Variants in MAGEC1 observed in about 807,000 individuals in gnomAD.
MAGEC1 encodes the protein melanoma-associated antigen C1.
A neutral mutation model predicts 1.5 loss-of-function variants in MAGEC1; 3 were observed. The observed-to-expected ratio is 1.97, with a 90% CI of 0.90 to 5.10. The LOEUF (loss-of-function observed/expected upper bound fraction) is 5.10, where lower values mean the gene tolerates loss of function less well. Ranked by LOEUF, MAGEC1 falls within the 30% of genes most tolerant of loss-of-function variation. MAGEC1 has a pLI of 0.02. For missense variants in MAGEC1, 985 were observed against 803.1 expected (o/e 1.23, Z -2.74); for synonymous variants, 357 against 310.4 (o/e 1.15, Z -1.58).
rs1187667538 is a variant in MAGEC1, at chrX:141,906,261, G to C, written c.857G>C (p.Ser286Thr). 1 of 1,132,254 alleles carries C rather than the reference G, an allele frequency of 8.8e-7. No individual in the cohort carries two copies. Among genetic ancestry groups the C allele is most frequent in the Non-Finnish European group, 1.2e-6 (1 of 840,512 alleles). 93.3% of individuals were successfully genotyped at this position (1,132,254 alleles called of 1,213,427 possible). A position where few individuals can be genotyped will look rare whatever the true frequency, so the allele number is the denominator to read the frequency against. The change falls in exon 4 of 4, where the codon AGT becomes ACT. Residue 286 changes from serine (S) to threonine (T), a missense_variant. Physicochemically the swap from Ser to Thr is moderately conservative, Grantham distance 58. Coordinates refer to ENST00000285879, the MANE Select transcript of MAGEC1 (RefSeq NM_005462.5). ...TCCACTTTAGTGAGTCTTTTCCAGA[G>C]TTCCCCTGAGAGAACTCAGAGTACT... is the stretch of plus-strand genomic sequence containing the variant. ...FSSTLVSLFQ[S>T]SPERTQSTFE...
chrX:141,907,216 C>T lies in MAGEC1; in HGVS notation c.1812C>T (p.Asp604=). ...CTCAGAGCCCTCCTCAGGGGGAGGACTCCATGTCTCCTCTCTACTTTCCTC... is the reference window on the plus strand; with the variant it reads ...CTCAGAGCCCTCCTCAGGGGGAGGATTCCATGTCTCCTCTCTACTTTCCTC... ...YFPQSPPQGE[D]SMSPLYFPQS... The change falls in exon 4 of 4, where the codon GAC becomes GAT. Residue 604 remains aspartate, a synonymous_variant. Coordinates refer to ENST00000285879, the MANE Select transcript of MAGEC1 (RefSeq NM_005462.5). The T allele has an allele frequency of 1.7e-6, 2 of 1,210,145 alleles. No individual in the cohort carries two copies. The highest frequency in any genetic ancestry group is 2.3e-4 in the Middle Eastern group (1 of 4,344).
At position 141,905,597 on chromosome X, in the gene MAGEC1, G is replaced by A; in HGVS notation, c.193G>A (p.Asp65Asn). The A allele has an allele frequency of 8.3e-7, 1 of 1,205,804 alleles. No individual in the cohort carries two copies. The change falls in exon 4 of 4, where the codon GAT becomes AAT. Residue 65 changes from aspartate (D) to asparagine (N), a missense_variant. Coordinates refer to ENST00000285879, the MANE Select transcript of MAGEC1 (RefSeq NM_005462.5). ...TCGTTCTGAGGGGGAGGACTCCTCG[G>A]ATCCTCTCCAGAGACCTCCTGAGGG... ...QSRSEGEDSS[D>N]PLQRPPEGKD...
At position 141,908,406 on chromosome X, in the gene MAGEC1, TTC is replaced by T; in HGVS notation, c.3004_3005del (p.Leu1002TyrfsTer14). 1 of 1,211,272 alleles carries T rather than the reference TTC, an allele frequency of 8.3e-7. No individual in the cohort carries two copies. Among genetic ancestry groups the T allele is most frequent in the Non-Finnish European group, 1.1e-6 (1 of 895,365 alleles). ...GGCATGTCCCAGAACCGCCTCCTGA[TTC>T]TTATTCTGAGTATCATCTTCATAAA... On this transcript the variant is annotated frameshift_variant, in exon 4 of 4. Transcript: ENST00000285879. LOFTEE classifies it low-confidence loss of function (END_TRUNC).
rs1160457808 is a variant in MAGEC1, at chrX:141,908,361, G to A, written c.2957G>A (p.Gly986Glu). 8.3e-7 allele frequency: 1 copy of A among 1,211,312 alleles called. No homozygotes were observed. The highest frequency in any genetic ancestry group is 1.7e-5 in the African/African-American group (1 of 57,695). ...AACACATTAGACCTCACCTCTGAGG[G>A]GTGTCTGAGTGATGAGCAGGGCATG... ...FVNTLDLTSE[G>E]CLSDEQGMSQ... is the part of the protein sequence containing the mutation. Residue 986 changes from glycine (G) to glutamate (E), a missense_variant, in exon 4 of 4, where the codon GGG (glycine) becomes GAG (glutamate). Transcript: ENST00000285879.
In MAGEC1 at chrX:141,906,120, C is replaced by G. The variant is rs146816736; in HGVS notation, c.716C>G (p.Pro239Arg). The change falls in exon 4 of 4, where the codon CCC (proline) becomes CGC (arginine). Residue 239 changes from proline to arginine, a missense_variant. Physicochemically the swap from Pro to Arg is moderately radical, Grantham distance 103. Coordinates refer to ENST00000285879, the MANE Select transcript of MAGEC1 (RefSeq NM_005462.5). ...AQSPLQIPVS[P>R]SSSSTLLSLF... Reference sequence around the variant, plus strand: ...TCTCCTCTCCAGATTCCTGTGAGCCCCTCCTCCTCCTCCACTTTACTGAGT... The same window carrying G: ...TCTCCTCTCCAGATTCCTGTGAGCCGCTCCTCCTCCTCCACTTTACTGAGT... 2.8e-3 allele frequency: 2,122 copies of G among 752,448 alleles called. 38 individuals are homozygous for G. The highest frequency in any genetic ancestry group is 8.0e-3 in the South Asian group (292 of 36,571). 62.0% of individuals were successfully genotyped at this position (752,448 alleles called of 1,213,427 possible).
rs775152789 is a variant in MAGEC1 at position 141,905,543 on chromosome X, A to T, written c.139A>T (p.Thr47Ser). 2 of 1,209,007 alleles carry T rather than the reference A, an allele frequency of 1.7e-6. No individual in the cohort carries two copies. The change falls in exon 4 of 4, where the codon ACC (threonine) becomes TCC (serine). Residue 47 changes from threonine to serine, a missense_variant. By Grantham distance (58) the Thr-to-Ser change is moderately conservative (BLOSUM62 1). Coordinates refer to ENST00000285879, the MANE Select transcript of MAGEC1 (RefSeq NM_005462.5). ...IPQSSPESDD[T>S]LYPLQSPQSR... ...CCAGAGTTCTCCTGAGAGCGACGACACCCTGTATCCTCTCCAGAGTCCTCA... is the reference window on the plus strand; with the variant it reads ...CCAGAGTTCTCCTGAGAGCGACGACTCCCTGTATCCTCTCCAGAGTCCTCA...
At position 141,906,461 on chromosome X, in the gene MAGEC1, A is replaced by C. The variant is rs141749909; in HGVS notation, c.1057A>C (p.Ile353Leu). The stretch of plus-strand genomic sequence containing the variant: ...CTCCTTCTCCTCTACTTTATTGAGT[A>C]TTTTCCAGAGTTCTCCTGAGAGTGC... The part of the protein sequence containing the change: ...TSSFSSTLLS[I>L]FQSSPESAQS... Residue 353 changes from isoleucine (I) to leucine (L), a missense_variant, in exon 4 of 4, where the codon ATT becomes CTT. Coordinates refer to ENST00000285879, the MANE Select transcript of MAGEC1 (RefSeq NM_005462.5). 931 of 1,184,795 alleles carry C rather than the reference A, an allele frequency of 7.9e-4. 8 individuals carry two copies. Among genetic ancestry groups the C allele is most frequent in the Non-Finnish European group, 8.3e-4 (736 of 883,777 alleles).
rs1189117713 is a variant in MAGEC1 at position 141,907,440 on chromosome X, C to T, written c.2036C>T (p.Pro679Leu). The T allele has an allele frequency of 8.3e-7, 1 of 1,205,409 alleles. No homozygotes were observed. Among genetic ancestry groups the T allele is most frequent in the African/African-American group, 1.8e-5 (1 of 56,286 alleles). The change falls in exon 4 of 4, where the codon CCT (proline) becomes CTT (leucine). Residue 679 changes from proline (P) to leucine (L), a missense_variant. Pro to Leu is a moderately conservative substitution (Grantham distance 98). Transcript: ENST00000285879. Reference sequence around the variant, plus strand: ...CACTCCCAATCTCCTCTCCAGAGTCCTGAGAGTGCTCCTGAGGGGGAGGAT... The same window carrying T: ...CACTCCCAATCTCCTCTCCAGAGTCTTGAGAGTGCTCCTGAGGGGGAGGAT... ...GMHSQSPLQS[P>L]ESAPEGEDSL...
Position 141,907,948 on chromosome X carries a change from G to A in MAGEC1, c.2544G>A (p.Glu848=), listed in dbSNP as rs757078878. ...TSSSLSKSSP[E]SPLQSPVISF... is the part of the protein sequence containing the mutation. ...CGAGTCTTTCCAAGAGTTCCCCTGA[G>A]AGTCCTCTCCAGAGTCCTGTGATCT... The change falls in exon 4 of 4, where the codon GAG becomes GAA. Residue 848 remains glutamate, a synonymous_variant. Coordinates refer to ENST00000285879, the MANE Select transcript of MAGEC1 (RefSeq NM_005462.5). The A allele has an allele frequency of 8.3e-7, 1 of 1,208,756 alleles. No individual in the cohort carries two copies. The highest frequency in any genetic ancestry group is 1.1e-6 in the Non-Finnish European group (1 of 894,729).
Position 141,907,299 on chromosome X carries a change from G to T in MAGEC1, c.1895G>T (p.Cys632Phe), listed in dbSNP as rs772330722. The T allele has an allele frequency of 8.3e-7, 1 of 1,207,106 alleles. No individual in the cohort carries two copies. The highest frequency in any genetic ancestry group is 1.1e-6 in the Non-Finnish European group (1 of 893,653). The part of the protein sequence containing the change: ...QSSLQSPVSI[C>F]SSSTPSSLPQ... Reference sequence around the variant, plus strand: ...TCTCTCCAGAGCCCTGTGAGCATCTGCTCCTCCTCCACTCCATCCAGTCTT... The same window carrying T: ...TCTCTCCAGAGCCCTGTGAGCATCTTCTCCTCCTCCACTCCATCCAGTCTT... Residue 632 changes from cysteine to phenylalanine, a missense_variant, in exon 4 of 4, where the codon TGC becomes TTC. Coordinates refer to ENST00000285879, the MANE Select transcript of MAGEC1 (RefSeq NM_005462.5).
At position 141,907,366 on chromosome X, in the gene MAGEC1, G is replaced by A. The variant is rs1433551232; in HGVS notation, c.1962G>A (p.Gly654=). Residue 654 remains glycine, a synonymous_variant, in exon 4 of 4, where the codon GGG becomes GGA. Transcript: ENST00000285879. ...FPESSQSPPE[G]PVQSPLHSPQ... Reference sequence around the variant, plus strand: ...AGAGTTCTCAGAGTCCTCCTGAGGGGCCTGTCCAGTCTCCTCTCCATAGTC... The same window carrying A: ...AGAGTTCTCAGAGTCCTCCTGAGGGACCTGTCCAGTCTCCTCTCCATAGTC... The A allele has an allele frequency of 1.7e-6, 2 of 1,203,045 alleles. No individual in the cohort carries two copies. Among genetic ancestry groups the A allele is most frequent in the African/African-American group, 3.6e-5 (2 of 54,856 alleles).
chrX:141,906,836 C>G lies in MAGEC1; in HGVS notation c.1432C>G (p.Leu478Val), dbSNP rs754146024. 3 of 1,209,031 alleles carry G rather than the reference C, an allele frequency of 2.5e-6. No individual in the cohort carries two copies. Among genetic ancestry groups the G allele is most frequent in the Admixed American group, 2.2e-5 (1 of 45,896 alleles). The change falls in exon 4 of 4, where the codon CTC (leucine) becomes GTC (valine). Residue 478 changes from leucine (L) to valine (V), a missense_variant. Coordinates refer to ENST00000285879, the MANE Select transcript of MAGEC1 (RefSeq NM_005462.5). ...TTTTGAGGGTTTTCCCCAGTCTCCT[C>G]TCCAGATTCCTGTGAGCTCCTCCTC... ...STFEGFPQSP[L>V]QIPVSSSSSS...
In MAGEC1 at chrX:141,906,739, T is replaced by C; in HGVS notation, c.1335T>C (p.Ile445=). Residue 445 remains isoleucine, a synonymous_variant, in exon 4 of 4, where the codon ATT becomes ATC. Coordinates refer to ENST00000285879, the MANE Select transcript of MAGEC1 (RefSeq NM_005462.5). ...GTTTTCCCCAGTCTCCTCTCCAGAT[T>C]CCTGTGAGCTCCTCTTTCTCCTACA... is the stretch of plus-strand genomic sequence containing the variant. ...FEGFPQSPLQ[I]PVSSSFSYTL... 1.1e-5 allele frequency: 13 copies of C among 1,204,460 alleles called. No homozygotes were observed. Among genetic ancestry groups the C allele is most frequent in the Non-Finnish European group, 1.5e-5 (13 of 891,432 alleles).
chrX:141,906,052 T>A lies in MAGEC1; in HGVS notation c.648T>A (p.Ser216Arg). 3 of 1,165,685 alleles carry A rather than the reference T, an allele frequency of 2.6e-6. No homozygotes were observed. Among genetic ancestry groups the A allele is most frequent in the Non-Finnish European group, 3.5e-6 (3 of 860,600 alleles). The stretch of plus-strand genomic sequence containing the variant: ...CCACTTTATTGAGTATTTTCCAGAG[T>A]TCCCCTGAGAGAACTCAGAGTACTT... ...FSSTLLSIFQ[S>R]SPERTQSTFE... is the part of the protein sequence containing the mutation. The change falls in exon 4 of 4, where the codon AGT (serine) becomes AGA (arginine). Residue 216 changes from serine to arginine, a missense_variant. Ser to Arg is a moderately radical substitution (Grantham distance 110, BLOSUM62 -1). Transcript: ENST00000285879.
chrX:141,908,091 C>A lies in MAGEC1; in HGVS notation c.2687C>A (p.Ser896Tyr). The A allele has an allele frequency of 8.3e-7, 1 of 1,211,925 alleles. No homozygotes were observed. The highest frequency in any genetic ancestry group is 1.1e-6 in the Non-Finnish European group (1 of 895,556). The part of the protein sequence containing the change: ...LESDSLTDSE[S>Y]LIESEPLFTY... ...AGTGATTCCTTGACAGACAGCGAGT[C>A]CTTGATAGAGAGCGAGCCCTTGTTC... The change falls in exon 4 of 4, where the codon TCC becomes TAC. Residue 896 changes from serine (S) to tyrosine (Y), a missense_variant. Ser to Tyr is a moderately radical substitution (Grantham distance 144). Transcript: ENST00000285879.
Position 141,908,618 on chromosome X carries a change from G to A in MAGEC1, c.3214G>A (p.Gly1072Ser). Residue 1072 changes from glycine (G) to serine (S), a missense_variant, in exon 4 of 4, where the codon GGT (glycine) becomes AGT (serine). Physicochemically the swap from Gly to Ser is moderately conservative, Grantham distance 56. Coordinates refer to ENST00000285879, the MANE Select transcript of MAGEC1 (RefSeq NM_005462.5). ...TCCTCCTCGTTACGAATTCCTGTGG[G>A]GTCCAAGAGCTCATTCAGAAGTCAT... ...SSPPRYEFLWGPRAHSEVIKR... is the reference protein window; with the variant it reads ...SSPPRYEFLWSPRAHSEVIKR... 4 of 1,210,253 alleles carry A rather than the reference G, an allele frequency of 3.3e-6. No individual in the cohort carries two copies. Among genetic ancestry groups the A allele is most frequent in the Non-Finnish European group, 4.5e-6 (4 of 894,642 alleles).
At position 141,905,558 on chromosome X, in the gene MAGEC1, C is replaced by T. The variant is rs1185224663; in HGVS notation, c.154C>T (p.Gln52Ter). 1 of 1,209,793 alleles carries T rather than the reference C, an allele frequency of 8.3e-7. No individual in the cohort carries two copies. The highest frequency in any genetic ancestry group is 1.8e-5 in the South Asian group (1 of 56,826). The change falls in exon 4 of 4, where the codon CAG (glutamine) becomes TAG (stop). Residue 52 changes from glutamine to a stop codon, truncating the protein, a stop_gained. Coordinates refer to ENST00000285879, the MANE Select transcript of MAGEC1 (RefSeq NM_005462.5). LOFTEE classifies it low-confidence loss of function (END_TRUNC). ...PESDDTLYPL[Q>*]SPQSRSEGED... is the part of the protein sequence containing the mutation. Reference sequence around the variant, plus strand: ...GAGCGACGACACCCTGTATCCTCTCCAGAGTCCTCAGAGTCGTTCTGAGGG... The same window carrying T: ...GAGCGACGACACCCTGTATCCTCTCTAGAGTCCTCAGAGTCGTTCTGAGGG...
Position 141,907,286 on chromosome X carries a change from C to A in MAGEC1, c.1882C>A (p.Pro628Thr). Reference sequence around the variant, plus strand: ...GGAATTCCAGTCTTCTCTCCAGAGCCCTGTGAGCATCTGCTCCTCCTCCAC... The same window carrying A: ...GGAATTCCAGTCTTCTCTCCAGAGCACTGTGAGCATCTGCTCCTCCTCCAC... Reference protein sequence around the residue: ...GEEFQSSLQSPVSICSSSTPS... With the variant: ...GEEFQSSLQSTVSICSSSTPS... The change falls in exon 4 of 4, where the codon CCT becomes ACT. Residue 628 changes from proline (P) to threonine (T), a missense_variant. By Grantham distance (38) the Pro-to-Thr change is conservative (BLOSUM62 -1). Transcript: ENST00000285879. 1 of 1,209,941 alleles carries A rather than the reference C, an allele frequency of 8.3e-7. No individual in the cohort carries two copies. Among genetic ancestry groups the A allele is most frequent in the Non-Finnish European group, 1.1e-6 (1 of 894,707 alleles).
rs910809078 is a variant in MAGEC1, at chrX:141,908,521, G to T, written c.3117G>T (p.Glu1039Asp). The T allele has an allele frequency of 2.5e-6, 3 of 1,190,165 alleles. No individual in the cohort carries two copies. In the African/African-American group the frequency reaches 5.3e-5, roughly 21 times the overall value. ...RAGREHFAFG[E>D]PRELLTKVWV... ...GGAGGGAGCACTTTGCCTTTGGGGA[G>T]CCCAGGGAGCTCCTCACTAAAGTTT... Residue 1039 changes from glutamate (E) to aspartate (D), a missense_variant, in exon 4 of 4, where the codon GAG becomes GAT. By Grantham distance (45) the Glu-to-Asp change is conservative (BLOSUM62 2). Transcript: ENST00000285879.
Sources: gnomAD v4.1 joint callset for allele counts on GRCh38, gnomAD v4.1.1 for gene constraint, MANE v1.5 for transcripts, NCBI Gene and HGNC (gene_info 2026-07-23, HGNC 2026-07-21) for gene names.